The following TSPAN13 variants were observed in gnomAD, a reference collection of about 807,000 sequenced individuals.
TSPAN13 encodes tetraspanin-13.
TSPAN13 carries 18 observed loss-of-function variants against 26.9 expected under a neutral mutation model. The observed-to-expected ratio is 0.67, with a 90% CI of 0.46 to 0.99. TSPAN13 has a LOEUF of 0.99. Among genes scored for constraint, TSPAN13 ranks in the 50% least tolerant of loss-of-function variants. The pLI, the probability that TSPAN13 is intolerant of heterozygous loss-of-function variation, is 0.00. For synonymous variants in TSPAN13, 116 were observed against 98.4 expected (o/e 1.18, Z -1.06); for missense variants, 201 against 249.6 (o/e 0.81, Z 1.31).
At position 16,753,765 on chromosome 7, in the gene TSPAN13, T is replaced by G. The variant is rs1169582432; in HGVS notation, c.-203T>G. ...GCTCGGGCTCCTGCTCCGGCTCAGC[T>G]GCGGCGGCCGCAGGTTCCAAAGCGG... is the stretch of plus-strand genomic sequence containing the variant. On this transcript the variant is annotated 5_prime_UTR_variant, in exon 1 of 6. Coordinates refer to ENST00000262067, the MANE Select transcript of TSPAN13 (RefSeq NM_014399.4). The G allele has an allele frequency of 2.2e-6, 1 of 455,462 alleles. No individual in the cohort carries two copies. The highest frequency in any genetic ancestry group is 3.8e-6 in the Non-Finnish European group (1 of 262,450). 28.2% of individuals were successfully genotyped at this position (455,462 alleles called of 1,614,324 possible).
rs145907536 is a variant in TSPAN13 at position 16,780,203 on chromosome 7, G to A, written c.540+1087G>A. Among the ~76,000 whole-genome samples, 1,430 of 151,550 alleles carry A rather than the reference G, an allele frequency of 9.4e-3. 6 individuals are homozygous for A. The highest frequency in any genetic ancestry group is 0.015 in the Non-Finnish European group (984 of 67,838). ...CAAGCTCCACCTCTTGGGTTCAAGC[G>A]ATTCTCCCACCTCAGCCTCCCGAGT... On this transcript the variant is annotated intron_variant, in intron 5 of 5. Coordinates refer to ENST00000262067, the MANE Select transcript of TSPAN13 (RefSeq NM_014399.4).
intron 1 of TSPAN13, among the ~76,000 whole-genome samples, chr7:16,754,314 GT>G (rs1324044699): frequency 1.3e-5 from 2 of 152,156 alleles, no homozygotes; most frequent in African/African-American, 4.8e-5. Flanking sequence ...CCACCGCCTT[GT>G]TTTTCAAACA....
chr7:16,763,729 C>T (rs1259265106), intron 1 of TSPAN13, among the ~76,000 whole-genome samples: 2 of 152,162 alleles, frequency 1.3e-5, no homozygotes, highest in African/African-American at 4.8e-5. Flanking sequence ...GGATGGGCAG[C>T]CATGATTGGT....
rs372239356 is a variant in TSPAN13 at position 16,783,385 on chromosome 7, T to C, written c.541-32T>C. On this transcript the variant is annotated intron_variant, in intron 5 of 5. Coordinates refer to ENST00000262067, the MANE Select transcript of TSPAN13 (RefSeq NM_014399.4). ...AATATACATAAATGTTACTTTCTTT[T>C]TCTTTACTTTATTTTTTTTTCCCCA... is the stretch of plus-strand genomic sequence containing the variant. 68 of 1,593,912 alleles carry C rather than the reference T, an allele frequency of 4.3e-5. No homozygotes were observed. The African/African-American group carries it at 7.2e-4, about 17-fold the overall frequency.
chr7:16,774,856 CAA>C (rs1373710635), intron 1 of TSPAN13, among the ~76,000 whole-genome samples: 1 of 151,998 alleles, frequency 6.6e-6, no homozygotes, highest in Admixed American at 6.6e-5. Context: ...CAAAAAAATA[CAA>C]AAAAATATTT....
intron 1 of TSPAN13, 96 bp from the exon 2 acceptor site, chr7:16,776,115 C>T (rs1784740351): frequency 3.3e-6 from 4 of 1,205,650 alleles, no homozygotes; most frequent in South Asian, 1.6e-5. Flanking sequence ...TACGTAGGTG[C>T]CTGAAGGATA....
intron 1 of TSPAN13, among the ~76,000 whole-genome samples, chr7:16,771,588 G>C (rs1784680241): frequency 6.6e-6 from 1 of 152,166 alleles, no homozygotes; most frequent in Non-Finnish European, 1.5e-5. Flanking sequence ...TCCTGGCTTT[G>C]AAGACAGAGG....
In TSPAN13 at chr7:16,753,757, G is replaced by C. The variant is rs1003896644; in HGVS notation, c.-211G>C. 9 of 442,560 alleles carry C rather than the reference G, an allele frequency of 2.0e-5. No homozygotes were observed. Among genetic ancestry groups the C allele is most frequent in the Admixed American group, 1.4e-4 (3 of 21,882 alleles). 27.4% of individuals were successfully genotyped at this position (442,560 alleles called of 1,614,324 possible). On this transcript the variant is annotated 5_prime_UTR_variant, in exon 1 of 6. Transcript: ENST00000262067. ...TGGGCGGGGCTCGGGCTCCTGCTCC[G>C]GCTCAGCTGCGGCGGCCGCAGGTTC...
chr7:16,760,521 C>T (rs148361909), intron 1 of TSPAN13, among the ~76,000 whole-genome samples: 160 of 152,208 alleles, frequency 1.1e-3, no homozygotes, highest in African/African-American at 3.6e-3. Context: ...CAGTATTGGA[C>T]GTGATGCTAA....
intron 1 of TSPAN13, among the ~76,000 whole-genome samples, chr7:16,765,623 C>G (rs1400688756): frequency 6.6e-6 from 1 of 152,154 alleles, no homozygotes; most frequent in African/African-American, 2.4e-5. Flanking sequence ...CTTTTTAAAA[C>G]TCTTTTTATA....
intron 1 of TSPAN13, among the ~76,000 whole-genome samples, chr7:16,763,861 T>C (rs1215574821): frequency 6.6e-6 from 1 of 152,210 alleles, no homozygotes; most frequent in African/African-American, 2.4e-5. Flanking sequence ...AGGTCATTCT[T>C]ATTCTGGGCA....
intron 1 of TSPAN13, among the ~76,000 whole-genome samples, chr7:16,757,334 A>G (rs913023953): frequency 1.8e-4 from 27 of 152,328 alleles, no homozygotes; most frequent in Non-Finnish European, 3.7e-4. Context: ...TAGGCTGAAA[A>G]GATTTTGACA....
chr7:16,773,762 T>G (rs911911184), intron 1 of TSPAN13, among the ~76,000 whole-genome samples: 1 of 152,240 alleles, frequency 6.6e-6, no homozygotes, highest in Admixed American at 6.5e-5. Context: ...TTTAAAGATC[T>G]TAAAGAACTA....
At chr7:16,772,859 G>A (rs1784696541) in intron 1 of TSPAN13, among the ~76,000 whole-genome samples, 1 of 152,044 alleles carries the variant, frequency 6.6e-6, no homozygotes, top group South Asian at 2.1e-4. Context: ...AGCTGGACGT[G>A]GTGGCATATG....
At chr7:16,756,644 G>A (rs1044259290) in intron 1 of TSPAN13, among the ~76,000 whole-genome samples, 23 of 152,096 alleles carry the variant, frequency 1.5e-4, no homozygotes, top group African/African-American at 5.3e-4. Flanking sequence ...GTTGTTTATG[G>A]CTTGATTATT....
At chr7:16,772,793 C>G (rs11772457) in intron 1 of TSPAN13, among the ~76,000 whole-genome samples, 1 of 151,902 alleles carries the variant, frequency 6.6e-6, no homozygotes, top group Non-Finnish European at 1.5e-5. Context: ...GTCAGGAGTT[C>G]GAGACCAGCC....
chr7:16,761,668 C>G (rs1411259445), intron 1 of TSPAN13, among the ~76,000 whole-genome samples: 1 of 150,518 alleles, frequency 6.6e-6, no homozygotes, highest in African/African-American at 2.5e-5. Flanking sequence ...TACAAGCATA[C>G]TCCACCCTAC....
At chr7:16,765,584 A>G (rs371407335) in intron 1 of TSPAN13, among the ~76,000 whole-genome samples, 2 of 152,224 alleles carry the variant, frequency 1.3e-5, no homozygotes, top group East Asian at 3.9e-4. Context: ...GCTTTGGTGT[A>G]CCTTTTCCAT....
intron 1 of TSPAN13, among the ~76,000 whole-genome samples, chr7:16,773,865 G>A (rs886375078): frequency 1.3e-5 from 2 of 152,016 alleles, no homozygotes; most frequent in South Asian, 4.2e-4. Context: ...AATTCTTCTG[G>A]TGAATTTAAC....
Sources: gnomAD v4.1 joint callset for allele counts (sites outside exome capture counted in the v4.1 genomes callset) on GRCh38, gnomAD v4.1.1 for gene constraint, MANE v1.5 for transcripts, NCBI Gene and HGNC (gene_info 2026-07-23, HGNC 2026-07-21) for gene names.